The following SKAP2 variants were observed in gnomAD, a reference collection of about 807,000 sequenced individuals.
The protein encoded by SKAP2 is src kinase-associated phosphoprotein 2.
A neutral mutation model predicts 54.9 loss-of-function variants in SKAP2; 28 were observed. That is an observed-to-expected ratio of 0.51 (90% confidence interval 0.38 to 0.70). The LOEUF is 0.70. SKAP2 is among the 30% of genes least tolerant of loss of function. The pLI is 0.00. For synonymous variants in SKAP2, 137 were observed against 134.3 expected (o/e 1.02, Z -0.14); for missense variants, 356 against 424.1 (o/e 0.84, Z 1.41).
At chr7:26,730,341 C>T (rs1787796659) in intron 6 of SKAP2, among the ~76,000 whole-genome samples, 1 of 152,114 alleles carries the variant, frequency 6.6e-6, no homozygotes, top group African/African-American at 2.4e-5. Context: ...CTATAAAGTC[C>T]ATTTACCCAG....
At chr7:26,779,998 G>C (rs1000787651) in intron 4 of SKAP2, among the ~76,000 whole-genome samples, 1 of 152,160 alleles carries the variant, frequency 6.6e-6, no homozygotes, top group Middle Eastern at 3.4e-3. Context: ...GGAAAACACT[G>C]TTATCTCTGA....
chr7:26,710,476 G>A (rs1270710829), intron 9 of SKAP2, among the ~76,000 whole-genome samples: 1 of 152,146 alleles, frequency 6.6e-6, no homozygotes, highest in Non-Finnish European at 1.5e-5. Flanking sequence ...AGAGCAGGGA[G>A]GATATGGTTA....
At chr7:26,856,100 A>G (rs10259983) in intron 1 of SKAP2, among the ~76,000 whole-genome samples, 5,896 of 152,226 alleles carry the variant, frequency 0.039, 364 homozygotes, top group African/African-American at 0.13. Context: ...AGGAAAGCCA[A>G]TTAAACTTTT....
intron 4 of SKAP2, among the ~76,000 whole-genome samples, chr7:26,764,397 TAGACG>T (rs1782999771): frequency 6.6e-6 from 1 of 152,172 alleles, no homozygotes; most frequent in Non-Finnish European, 1.5e-5. Context: ...TGTGCGTTCC[TAGACG>T]ATTCAATCTT....
intron 4 of SKAP2, among the ~76,000 whole-genome samples, chr7:26,799,053 CGGGACA>C (rs1783847123): frequency 1.6e-5 from 1 of 64,054 alleles, no homozygotes; most frequent in Admixed American, 2.4e-4. Context: ...AGGGGAGGGG[CGGGACA>C]GGGGCAGGGA....
rs200206110 is a variant in SKAP2 at position 26,850,585 on chromosome 7, C to CA, written c.199+3551dup. 6.6e-4 allele frequency among the ~76,000 whole-genome samples: 73 copies of CA among 111,108 alleles called. 1 individual carries two copies. Among genetic ancestry groups the CA allele is most frequent in the South Asian group, 1.7e-3 (6 of 3,472 alleles). The allele number at this position is 111,108 out of a possible 152,430, so 72.9% of individuals were successfully genotyped here. On this transcript the variant is annotated intron_variant, in intron 3 of 12. Transcript: ENST00000345317. ...TGGATGACAGAGTGAGATCCTATCT[C>CA]AAAAAAAAAAGAAAAAAAAAGGAAA...
intron 4 of SKAP2, among the ~76,000 whole-genome samples, chr7:26,797,112 C>T (rs1783797237): frequency 1.3e-5 from 2 of 152,198 alleles, no homozygotes; most frequent in African/African-American, 4.8e-5. Flanking sequence ...CTTCTGGACC[C>T]ACCGGGGATT....
intron 6 of SKAP2, among the ~76,000 whole-genome samples, chr7:26,735,184 T>C (rs1787899792): frequency 6.6e-6 from 1 of 152,128 alleles, no homozygotes; most frequent in African/African-American, 2.4e-5. Flanking sequence ...CCTCAGTGCC[T>C]ACTAGCTAAC....
At chr7:26,857,319 A>AAAAAAAAAAAAAAAAAAAC (rs1785187266) in intron 1 of SKAP2, 9 of 235,340 alleles carry the variant, frequency 3.8e-5, no homozygotes, top group Non-Finnish European at 6.1e-5. Context: ...TTAAAAAAAA[A>AAAAAAAAAAAAAAAAAAAC]AAAAAAAAAA....
At chr7:26,714,877 GAT>G (rs1211714245) in intron 9 of SKAP2, among the ~76,000 whole-genome samples, 1 of 152,112 alleles carries the variant, frequency 6.6e-6, no homozygotes, top group Non-Finnish European at 1.5e-5. Flanking sequence ...AGCAGGCTGT[GAT>G]CTGTTTATAT....
intron 4 of SKAP2, among the ~76,000 whole-genome samples, chr7:26,825,238 C>T (rs920715462): frequency 2.0e-5 from 3 of 152,126 alleles, no homozygotes; most frequent in African/African-American, 7.2e-5. Flanking sequence ...GATATTAATA[C>T]TAGCCTTACT....
intron 6 of SKAP2, among the ~76,000 whole-genome samples, chr7:26,730,187 G>A (rs1787793123): frequency 1.3e-5 from 2 of 152,172 alleles, no homozygotes; most frequent in South Asian, 4.1e-4. Context: ...TTCTCTTCTG[G>A]AGAGAGAAAC....
chr7:26,767,225 A>G (rs535900339), intron 4 of SKAP2, among the ~76,000 whole-genome samples: 1 of 152,160 alleles, frequency 6.6e-6, no homozygotes, highest in Non-Finnish European at 1.5e-5. Context: ...GAATTTGTCA[A>G]TTTCTTCTAC....
rs988561986 is a variant in SKAP2, at chr7:26,766,801, C to A, written c.308-26837G>T. 2.0e-5 allele frequency among the ~76,000 whole-genome samples: 3 copies of A among 152,200 alleles called. No individual in the cohort carries two copies. In the East Asian group the frequency reaches 5.8e-4, roughly 29 times the overall value. On this transcript the variant is annotated intron_variant, in intron 4 of 12. Transcript: ENST00000345317. ...ATTTGCATATGTCAAACCAGCCTTG[C>A]ATCCCAGGGATGAAGCCGACTTGAT...
At chr7:26,854,362 C>T (rs987377842) in intron 2 of SKAP2, among the ~76,000 whole-genome samples, 200 bp from the exon 3 acceptor site, 2 of 151,888 alleles carry the variant, frequency 1.3e-5, no homozygotes, top group Non-Finnish European at 1.5e-5. Context: ...GATCTAAGTA[C>T]AGTAGTAAAA....
intron 4 of SKAP2, among the ~76,000 whole-genome samples, chr7:26,760,254 C>T (rs1053320776): frequency 1.3e-5 from 2 of 151,832 alleles, no homozygotes; most frequent in Non-Finnish European, 1.5e-5. Context: ...AAAGAAAATG[C>T]AAATTCATGT....
intron 4 of SKAP2, among the ~76,000 whole-genome samples, chr7:26,801,063 T>C (rs1783902791): frequency 6.6e-6 from 1 of 151,560 alleles, no homozygotes; most frequent in Non-Finnish European, 1.5e-5. Flanking sequence ...GAAAAAAAAA[T>C]ATAGGCCAAT....
At chr7:26,716,855 C>T (rs746379703) in intron 9 of SKAP2, among the ~76,000 whole-genome samples, 2 of 152,208 alleles carry the variant, frequency 1.3e-5, no homozygotes, top group Non-Finnish European at 2.9e-5. Flanking sequence ...CCCCCATCTC[C>T]ATCTTGCCCC....
At chr7:26,791,174 T>C (rs749552868) in intron 4 of SKAP2, among the ~76,000 whole-genome samples, 5 of 152,182 alleles carry the variant, frequency 3.3e-5, no homozygotes, top group Non-Finnish European at 5.9e-5. Context: ...TTTAGGAACA[T>C]GACAAAAAGA....
Sources: allele counts gnomAD v4.1 joint callset (sites outside exome capture counted in the v4.1 genomes callset), GRCh38; gene constraint gnomAD v4.1.1; transcripts MANE v1.5; gene names NCBI Gene and HGNC (gene_info 2026-07-23, HGNC 2026-07-21).